Variants in TNIK observed in about 807,000 individuals in gnomAD.
TNIK encodes TRAF2 and NCK-interacting protein kinase.
In TNIK, 49 loss-of-function variants were observed where a neutral mutation model predicts 191.3. The ratio of observed to expected loss-of-function variants is 0.26; its 90% CI spans 0.20 to 0.32. TNIK has a LOEUF of 0.32. TNIK is among the 10% of genes least tolerant of loss of function. TNIK has a pLI of 1.00. For synonymous variants in TNIK, 594 were observed against 600.9 expected, an observed-to-expected ratio of 0.99 and a Z score of 0.17; for missense variants, 1,155 against 1,702.3, an observed-to-expected ratio of 0.68 and a Z score of 5.66.
At chr3:171,292,132 A>G (rs1365058227) in intron 2 of TNIK, among the ~76,000 whole-genome samples, 4 of 152,188 alleles carry the variant, frequency 2.6e-5, no homozygotes, top group Admixed American at 1.3e-4. Flanking sequence ...ACTTATGTGT[A>G]CAAGAATATT....
In TNIK at chr3:171,188,795, C is replaced by T. The variant is rs543753400; in HGVS notation, c.546G>A (p.Val182=). The change falls in exon 7 of 33, where the codon GTG becomes GTA. Residue 182 remains valine (V), a synonymous_variant. Coordinates refer to ENST00000436636, the MANE Select transcript of TNIK (RefSeq NM_015028.4). ...FGVSAQLDRT[V]GRRNTFIGTP... is the part of the protein sequence containing the mutation. ...TTCCAATGAAAGTATTCCTCCTGCC[C>T]ACTGTTCGATCAAGCTGAGCACTGA... 2.5e-6 allele frequency: 4 copies of T among 1,613,558 alleles called. No homozygotes were observed. The South Asian group carries it at 4.4e-5, about 18-fold the overall frequency.
Position 171,167,283 on chromosome 3 carries a change from A to G in TNIK, c.774-13T>C. ...GAATTTTTTTGACCTGCCAAACAAA[A>G]GAAATGAATCCACAGATAAAACGGC... On this transcript the variant is annotated splice_polypyrimidine_tract_variant and intron_variant, in intron 9 of 32. Coordinates refer to ENST00000436636, the MANE Select transcript of TNIK (RefSeq NM_015028.4). 1 of 1,608,956 alleles carries G rather than the reference A, an allele frequency of 6.2e-7. No homozygotes were observed. Among genetic ancestry groups the G allele is most frequent in the Non-Finnish European group, 8.5e-7 (1 of 1,176,760 alleles).
chr3:171,153,047 A>C (rs1732677741), intron 12 of TNIK, among the ~76,000 whole-genome samples: 1 of 152,134 alleles, frequency 6.6e-6, no homozygotes, highest in Non-Finnish European at 1.5e-5. Context: ...CTGGGATTAC[A>C]GTGGGCGTGA....
At chr3:171,425,598 G>A (rs1392099604) in intron 1 of TNIK, among the ~76,000 whole-genome samples, 1 of 152,128 alleles carries the variant, frequency 6.6e-6, no homozygotes, top group Non-Finnish European at 1.5e-5. Flanking sequence ...GGCTGAGGAG[G>A]GTGGATCACT....
chr3:171,293,324 T>C (rs1170597101), intron 2 of TNIK, among the ~76,000 whole-genome samples: 1 of 152,234 alleles, frequency 6.6e-6, no homozygotes, highest in Non-Finnish European at 1.5e-5. Context: ...TATCTTCTAT[T>C]ATGCATTTCA....
intron 4 of TNIK, among the ~76,000 whole-genome samples, chr3:171,208,236 G>A (rs111509744): frequency 1.3e-5 from 2 of 152,086 alleles, no homozygotes; most frequent in African/African-American, 4.8e-5. Flanking sequence ...CAGCAGGATC[G>A]CTTGAGCTAT....
rs10602125 is a variant in TNIK at position 171,452,729 on chromosome 3, AACACACACACACAC to A, written c.57+7264_57+7277del. Reference sequence around the variant, plus strand: ...GTTGAAATAATTGAAACACACTCCAAACACACACACACACACACACACACACACACACACACACA... The same window carrying A: ...GTTGAAATAATTGAAACACACTCCAAACACACACACACACACACACACACA... On this transcript the variant is annotated intron_variant, in intron 1 of 32. Transcript: ENST00000436636. Among the ~76,000 whole-genome samples, 129 of 142,642 alleles carry A rather than the reference AACACACACACACAC, an allele frequency of 9.0e-4. No homozygotes were observed. The East Asian group carries it at 0.016, about 17-fold the overall frequency. 93.6% of individuals were successfully genotyped at this position (142,642 alleles called of 152,430 possible).
chr3:171,254,160 A>G (rs1377097659), intron 2 of TNIK, among the ~76,000 whole-genome samples: 1 of 152,240 alleles, frequency 6.6e-6, no homozygotes, highest in Non-Finnish European at 1.5e-5. Context: ...GTGGAACAAC[A>G]GAACAAAGAC....
intron 4 of TNIK, among the ~76,000 whole-genome samples, chr3:171,208,125 G>GT (rs1243271927): frequency 6.6e-6 from 1 of 152,146 alleles, no homozygotes; most frequent in Non-Finnish European, 1.5e-5. Flanking sequence ...GAGACTGGGA[G>GT]TTTGAGACCA....
At chr3:171,453,005 T>C (rs1728371672) in intron 1 of TNIK, among the ~76,000 whole-genome samples, 1 of 152,174 alleles carries the variant, frequency 6.6e-6, no homozygotes, top group Admixed American at 6.5e-5. Context: ...ACCTAGACTA[T>C]AATGTAATTC....
At chr3:171,399,268 T>G (rs928128426) in intron 1 of TNIK, among the ~76,000 whole-genome samples, 11 of 152,156 alleles carry the variant, frequency 7.2e-5, no homozygotes, top group African/African-American at 2.4e-4. Context: ...GATGCCTCCT[T>G]CTGAAATTCA....
Position 171,438,300 on chromosome 3 carries a change from C to A in TNIK, c.57+21707G>T, listed in dbSNP as rs139206539. ...ACCCACAGCTGCCTAGGACACAGGT[C>A]TTTCCATTTCCCAGGGGTCCTGCAC... On this transcript the variant is annotated intron_variant, in intron 1 of 32. Coordinates refer to ENST00000436636, the MANE Select transcript of TNIK (RefSeq NM_015028.4). Among the ~76,000 whole-genome samples the A allele has an allele frequency of 2.6e-5, 4 of 152,316 alleles. No individual in the cohort carries two copies. The East Asian group carries it at 7.7e-4, about 29-fold the overall frequency.
chr3:171,412,617 A>G (rs1217417938), intron 1 of TNIK, among the ~76,000 whole-genome samples: 1 of 152,172 alleles, frequency 6.6e-6, no homozygotes, highest in Non-Finnish European at 1.5e-5. Flanking sequence ...AGCACTTAGA[A>G]AGCAAGAGCT....
chr3:171,132,562 CA>C (rs1398638661), intron 15 of TNIK, among the ~76,000 whole-genome samples: 1 of 152,080 alleles, frequency 6.6e-6, no homozygotes, highest in Non-Finnish European at 1.5e-5. Flanking sequence ...ATTTCCAAAA[CA>C]ATTTCAAAAT....
intron 12 of TNIK, among the ~76,000 whole-genome samples, chr3:171,153,850 C>T (rs374700076): frequency 3.2e-4 from 49 of 152,290 alleles, no homozygotes; most frequent in African/African-American, 1.1e-3. Flanking sequence ...CCCTGTGGCA[C>T]GCTCTTTTAG....
chr3:171,230,327 A>G (rs954559585), intron 2 of TNIK, among the ~76,000 whole-genome samples: 10 of 152,204 alleles, frequency 6.6e-5, no homozygotes, highest in Admixed American at 2.0e-4. Context: ...GCTATAAATC[A>G]TGTCTTAAAT....
intron 2 of TNIK, among the ~76,000 whole-genome samples, chr3:171,342,438 G>A (rs961651715): frequency 6.6e-5 from 10 of 152,190 alleles, no homozygotes; most frequent in Non-Finnish European, 8.8e-5. Flanking sequence ...GGCTTTGCTT[G>A]TTGCAATCAC....
chr3:171,161,558 A>G (rs891420605), intron 10 of TNIK, among the ~76,000 whole-genome samples: 3 of 152,212 alleles, frequency 2.0e-5, no homozygotes, highest in Non-Finnish European at 2.9e-5. Context: ...CCCAGTGCCT[A>G]GTGTTCACAT....
intron 2 of TNIK, among the ~76,000 whole-genome samples, chr3:171,329,534 C>A (rs1756181302): frequency 6.6e-6 from 1 of 152,148 alleles, no homozygotes; most frequent in African/African-American, 2.4e-5. Context: ...AAAATTCCAG[C>A]TTTCAGGGTT....
Sources: gnomAD v4.1 joint callset for allele counts (sites outside exome capture counted in the v4.1 genomes callset) on GRCh38, gnomAD v4.1.1 for gene constraint, MANE v1.5 for transcripts, NCBI Gene and HGNC (gene_info 2026-07-23, HGNC 2026-07-21) for gene names.